SGPL1: variants seen among roughly 807,000 people sequenced by gnomAD.
SGPL1 encodes the protein SP-lyase 1.
In SGPL1, 37 loss-of-function variants were observed where a neutral mutation model predicts 68.9. That is an observed-to-expected ratio of 0.54 (90% CI 0.41 to 0.71). The LOEUF is 0.71. Among genes scored for constraint, SGPL1 ranks in the 30% least tolerant of loss-of-function variants. The pLI is 0.00. For synonymous variants in SGPL1, 236 were observed against 248.5 expected, an observed-to-expected ratio of 0.95 and a Z score of 0.47; for missense variants, 551 against 704.6, an observed-to-expected ratio of 0.78 and a Z score of 2.47.
intron 2 of SGPL1, among the ~76,000 whole-genome samples, chr10:70,818,438 G>A (rs1276986755): frequency 6.6e-6 from 1 of 152,158 alleles, no homozygotes; most frequent in African/African-American, 2.4e-5. Context: ...TTGTTTGTTT[G>A]TTTGTTTTTG....
At chr10:70,867,350 GCCAGGAGCTTGAGA>G (rs1325584239) in intron 7 of SGPL1, among the ~76,000 whole-genome samples, 6 of 152,144 alleles carry the variant, frequency 3.9e-5, no homozygotes, top group African/African-American at 1.4e-4. Context: ...ATCACTTGAG[GCCAGGAGCTTGAGA>G]CCAGCCTGGC....
At chr10:70,818,286 A>C (rs1160892601) in intron 2 of SGPL1, among the ~76,000 whole-genome samples, 1 of 151,948 alleles carries the variant, frequency 6.6e-6, no homozygotes, top group East Asian at 1.9e-4. Flanking sequence ...ATGCCTGGGT[A>C]ATTTTTGTTT....
At chr10:70,870,764 G>T (rs1045044393) in intron 9 of SGPL1, among the ~76,000 whole-genome samples, 4 of 152,158 alleles carry the variant, frequency 2.6e-5, no homozygotes, top group Non-Finnish European at 5.9e-5. Context: ...TGGGGCTGGG[G>T]CTCACATTTG....
At chr10:70,857,028 A>T (rs1845976366) in intron 5 of SGPL1, among the ~76,000 whole-genome samples, 1 of 152,176 alleles carries the variant, frequency 6.6e-6, no homozygotes, top group Non-Finnish European at 1.5e-5. Flanking sequence ...GGAAGCAGGT[A>T]ACTAGTTTTA....
chr10:70,852,428 C>T (rs1319703565), intron 4 of SGPL1, among the ~76,000 whole-genome samples: 5 of 152,252 alleles, frequency 3.3e-5, no homozygotes, highest in African/African-American at 1.2e-4. Flanking sequence ...AAATCTAGTC[C>T]TTACAGAGTA....
rs1179713461 is a variant in SGPL1, at chr10:70,872,326, AGAG to A, written c.1059+344_1059+346del. On this transcript the variant is annotated intron_variant, in intron 11 of 14. Coordinates refer to ENST00000373202, the MANE Select transcript of SGPL1 (RefSeq NM_003901.4). ...CTTGAGCTGATTTGAGGTGGAGGGT[AGAG>A]GAGTGTGAGGGTTGGTAGTGGAGTT... Among the ~76,000 whole-genome samples the A allele has an allele frequency of 7.9e-5, 12 of 152,306 alleles. No homozygotes were observed. The East Asian group carries it at 2.3e-3, about 29-fold the overall frequency.
chr10:70,861,660 A>G (rs61851615), intron 7 of SGPL1, among the ~76,000 whole-genome samples: 1 of 152,146 alleles, frequency 6.6e-6, no homozygotes, highest in Admixed American at 6.5e-5. Context: ...CGTGAGCCGG[A>G]ACCAGGGCTG....
rs1846414641 is a variant in SGPL1 at position 70,877,475 on chromosome 10, C to T, written c.*140C>T. On this transcript the variant is annotated 3_prime_UTR_variant, in exon 15 of 15. Coordinates refer to ENST00000373202, the MANE Select transcript of SGPL1 (RefSeq NM_003901.4). Reference sequence around the variant, plus strand: ...ATAGACCATGAGACAGCTTGAGCCTCAGGATTCTTGTTCTTCCTCTTATCT... The same window carrying T: ...ATAGACCATGAGACAGCTTGAGCCTTAGGATTCTTGTTCTTCCTCTTATCT... 1.4e-6 allele frequency: 1 copy of T among 695,428 alleles called. No homozygotes were observed. The highest frequency in any genetic ancestry group is 1.7e-5 in the African/African-American group (1 of 57,406). The allele number at this position is 695,428 out of a possible 1,614,324, so 43.1% of individuals were successfully genotyped here.
intron 2 of SGPL1, among the ~76,000 whole-genome samples, chr10:70,820,845 G>T (rs1178163977): frequency 1.3e-5 from 2 of 152,092 alleles, no homozygotes; most frequent in Admixed American, 6.5e-5. Flanking sequence ...TTTAAAACTT[G>T]TATCTGCAGG....
At chr10:70,863,831 T>C (rs1246332023) in intron 7 of SGPL1, among the ~76,000 whole-genome samples, 3 of 152,256 alleles carry the variant, frequency 2.0e-5, no homozygotes, top group African/African-American at 4.8e-5. Flanking sequence ...TCTTGTACAC[T>C]GTAGAGTGTG....
rs1846286531 is a variant in SGPL1, at chr10:70,871,083, G to A, written c.846G>A (p.Met282Ile). ...GAGCTATCTCCAGGAACACTGCCAT[G>A]CTCGTCTGTTCTACCCCACAGTTTC... is the stretch of plus-strand genomic sequence containing the variant. ...MRRAISRNTA[M>I]LVCSTPQFPH... The change falls in exon 10 of 15, where the codon ATG becomes ATA. Residue 282 changes from methionine (M) to isoleucine (I), a missense_variant. Physicochemically the swap from Met to Ile is conservative, Grantham distance 10 (BLOSUM62 1). Coordinates refer to ENST00000373202, the MANE Select transcript of SGPL1 (RefSeq NM_003901.4). 4 of 1,613,882 alleles carry A rather than the reference G, an allele frequency of 2.5e-6. No individual in the cohort carries two copies. The highest frequency in any genetic ancestry group is 8.5e-7 in the Non-Finnish European group (1 of 1,179,896).
At chr10:70,850,135 A>G (rs1387014687) in intron 3 of SGPL1, among the ~76,000 whole-genome samples, 2 of 152,278 alleles carry the variant, frequency 1.3e-5, no homozygotes, top group African/African-American at 2.4e-5. Context: ...TATTTGTTCT[A>G]TGTACTGCCT....
At position 70,858,612 on chromosome 10, in the gene SGPL1, A is replaced by G. The variant is rs183547254; in HGVS notation, c.487-759A>G. Among the ~76,000 whole-genome samples, 12 of 152,328 alleles carry G rather than the reference A, an allele frequency of 7.9e-5. No individual in the cohort carries two copies. The East Asian group carries it at 2.1e-3, about 27-fold the overall frequency. On this transcript the variant is annotated intron_variant, in intron 6 of 14. Transcript: ENST00000373202. ...TGATCTTCTGTGCTTAAAATCTTTC[A>G]GTAGCTTCCCATTATCTACAGGATG...
At chr10:70,825,207 C>A (rs770129712) in intron 2 of SGPL1, among the ~76,000 whole-genome samples, 4 of 151,980 alleles carry the variant, frequency 2.6e-5, no homozygotes, top group African/African-American at 9.7e-5. Context: ...AGCCAGTGAC[C>A]CAGTAGGAAA....
chr10:70,830,798 G>C (rs941617974), intron 2 of SGPL1, among the ~76,000 whole-genome samples: 34 of 152,190 alleles, frequency 2.2e-4, no homozygotes, highest in Non-Finnish European at 5.9e-5. Flanking sequence ...GAACAGCAAA[G>C]ATCTCTAGCT....
chr10:70,825,300 G>T (rs749960896), intron 2 of SGPL1, among the ~76,000 whole-genome samples: 26 of 152,214 alleles, frequency 1.7e-4, no homozygotes, highest in African/African-American at 6.0e-4. Flanking sequence ...TAATACAACT[G>T]GAAACCAGAG....
At position 70,830,503 on chromosome 10, in the gene SGPL1, C is replaced by T. The variant is rs182739289; in HGVS notation, c.27+13623C>T. ...TGTTGTAGCATGGATCAGAACTGCA[C>T]TCCTTTTTATTGCAGTTACAGGGCT... On this transcript the variant is annotated intron_variant, in intron 2 of 14. Transcript: ENST00000373202. Among the ~76,000 whole-genome samples, 3 of 152,294 alleles carry T rather than the reference C, an allele frequency of 2.0e-5. No individual in the cohort carries two copies. In the East Asian group the frequency reaches 5.8e-4, roughly 29 times the overall value.
intron 2 of SGPL1, among the ~76,000 whole-genome samples, chr10:70,844,186 A>C (rs1202067629): frequency 6.6e-6 from 1 of 152,178 alleles, no homozygotes; most frequent in African/African-American, 2.4e-5. Flanking sequence ...TCATATAGAA[A>C]TTTTAGGGCT....
intron 2 of SGPL1, among the ~76,000 whole-genome samples, chr10:70,835,825 T>G (rs758616309): frequency 1.4e-4 from 21 of 152,026 alleles, no homozygotes; most frequent in Non-Finnish European, 1.6e-4. Flanking sequence ...TCCCAGAAAC[T>G]TGACTCTATA....
Sources: gnomAD v4.1 joint callset for allele counts (sites outside exome capture counted in the v4.1 genomes callset) on GRCh38, gnomAD v4.1.1 for gene constraint, MANE v1.5 for transcripts, NCBI Gene and HGNC (gene_info 2026-07-23, HGNC 2026-07-21) for gene names.